Variants in SHISA6 observed in about 807,000 individuals in gnomAD.
SHISA6 encodes protein shisa-6.
A neutral mutation model predicts 47.9 loss-of-function variants in SHISA6; 22 were observed. That is an observed-to-expected ratio of 0.46 (90% CI 0.33 to 0.66). SHISA6 has a LOEUF of 0.66. SHISA6 is among the 30% of genes least tolerant of loss of function. The pLI is 0.02. For missense variants in SHISA6, 680 were observed against 764.6 expected, an observed-to-expected ratio of 0.89 and a Z score of 1.30; for synonymous variants, 388 against 337.8, an observed-to-expected ratio of 1.15 and a Z score of -1.63.
chr17:11,393,244 C>G (rs1913448622), intron 3 of SHISA6, among the ~76,000 whole-genome samples: 1 of 152,204 alleles, frequency 6.6e-6, no homozygotes, highest in Non-Finnish European at 1.5e-5. Flanking sequence ...CAGCACTCTA[C>G]ACACTGCACA....
intron 2 of SHISA6, among the ~76,000 whole-genome samples, chr17:11,268,420 C>T (rs1343473071): frequency 1.3e-5 from 2 of 151,638 alleles, no homozygotes; most frequent in South Asian, 2.1e-4. Context: ...CTGCTTCCCT[C>T]CTAGGCTGCA....
intron 2 of SHISA6, among the ~76,000 whole-genome samples, chr17:11,286,004 T>C (rs185433021): frequency 6.6e-6 from 1 of 152,094 alleles, no homozygotes; most frequent in East Asian, 1.9e-4. Flanking sequence ...GCCTGGCTAA[T>C]ATTTTGTATT....
chr17:11,270,099 C>T (rs181608179), intron 2 of SHISA6, among the ~76,000 whole-genome samples: 145 of 152,252 alleles, frequency 9.5e-4, no homozygotes, highest in African/African-American at 3.4e-3. Context: ...CCTCAGTCTC[C>T]TGAGTAGCTG....
intron 2 of SHISA6, among the ~76,000 whole-genome samples, chr17:11,272,677 G>T (rs1461419122): frequency 6.6e-6 from 1 of 152,126 alleles, no homozygotes; most frequent in Non-Finnish European, 1.5e-5. Flanking sequence ...CTAATCCCTG[G>T]CTCAGAGCCT....
At chr17:11,465,060 T>A (rs571415196) in intron 3 of SHISA6, among the ~76,000 whole-genome samples, 3 of 152,334 alleles carry the variant, frequency 2.0e-5, no homozygotes, top group African/African-American at 4.8e-5. Context: ...ACCAAAAGAT[T>A]AAACTCCTTG....
intron 3 of SHISA6, among the ~76,000 whole-genome samples, chr17:11,398,924 G>A (rs1348081198): frequency 1.3e-5 from 2 of 150,504 alleles, no homozygotes; most frequent in South Asian, 2.1e-4. Context: ...TGGGCCTGCT[G>A]TTATTTCACC....
intron 2 of SHISA6, among the ~76,000 whole-genome samples, chr17:11,361,774 G>A (rs574929239): frequency 6.6e-6 from 1 of 152,174 alleles, no homozygotes; most frequent in South Asian, 2.1e-4. Flanking sequence ...CATGTGCCAG[G>A]CACTGTGCTC....
chr17:11,263,543 C>T lies in SHISA6; in HGVS notation c.799+17C>T. On this transcript the variant is annotated intron_variant, in intron 2 of 5. Coordinates refer to ENST00000441885, the MANE Select transcript of SHISA6 (RefSeq NM_207386.4). ...AGACTCCAGGTAAGTAACAGCTGGG[C>T]ACCTTGATTCTTTGCTGAGGCTGGT... 3.9e-6 allele frequency: 6 copies of T among 1,551,246 alleles called. No homozygotes were observed. The highest frequency in any genetic ancestry group is 5.2e-6 in the Non-Finnish European group (6 of 1,146,624).
At chr17:11,305,660 C>T (rs964627154) in intron 2 of SHISA6, among the ~76,000 whole-genome samples, 6 of 152,218 alleles carry the variant, frequency 3.9e-5, no homozygotes, top group African/African-American at 1.2e-4. Context: ...CTGCCATTCC[C>T]TAGGCCCAGA....
chr17:11,507,226 A>G (rs2071506724), intron 3 of SHISA6, among the ~76,000 whole-genome samples: 1 of 152,214 alleles, frequency 6.6e-6, no homozygotes, highest in Non-Finnish European at 1.5e-5. Flanking sequence ...TTAAATTTTC[A>G]GTATTATTGA....
Position 11,511,126 on chromosome 17 carries a change from T to G in SHISA6, c.896-40770T>G, listed in dbSNP as rs192493620. On this transcript the variant is annotated intron_variant, in intron 3 of 5. Coordinates refer to ENST00000441885, the MANE Select transcript of SHISA6 (RefSeq NM_207386.4). ...AGCCATAAAAAAGAATGAATTCATGTCCTTTACAGGGACATGGATGAAGCT... is the reference window on the plus strand; with the variant it reads ...AGCCATAAAAAAGAATGAATTCATGGCCTTTACAGGGACATGGATGAAGCT... 5.3e-5 allele frequency among the ~76,000 whole-genome samples: 8 copies of G among 152,264 alleles called. No individual in the cohort carries two copies. In the East Asian group the frequency reaches 1.2e-3, roughly 22 times the overall value.
At chr17:11,418,249 G>T (rs1914344041) in intron 3 of SHISA6, among the ~76,000 whole-genome samples, 1 of 151,946 alleles carries the variant, frequency 6.6e-6, no homozygotes, top group Non-Finnish European at 1.5e-5. Context: ...TATATCATTT[G>T]TCCCATCTCT....
At chr17:11,418,616 A>G (rs1182894095) in intron 3 of SHISA6, among the ~76,000 whole-genome samples, 2 of 152,158 alleles carry the variant, frequency 1.3e-5, no homozygotes, top group Non-Finnish European at 2.9e-5. Flanking sequence ...GTAAAGTGCT[A>G]TCTAAATATA....
At chr17:11,304,845 G>A (rs886147498) in intron 2 of SHISA6, among the ~76,000 whole-genome samples, 10 of 152,148 alleles carry the variant, frequency 6.6e-5, no homozygotes, top group Admixed American at 3.9e-4. Flanking sequence ...GTCTCACTGC[G>A]CTTGGCCACT....
At chr17:11,319,171 C>T (rs961489095) in intron 2 of SHISA6, among the ~76,000 whole-genome samples, 2 of 151,310 alleles carry the variant, frequency 1.3e-5, no homozygotes, top group East Asian at 1.9e-4. Context: ...CTCCGCCTCC[C>T]GGGTTCAATC....
intron 2 of SHISA6, among the ~76,000 whole-genome samples, chr17:11,379,083 C>A (rs1405037731): frequency 6.7e-6 from 1 of 149,384 alleles, no homozygotes; most frequent in South Asian, 2.1e-4. Flanking sequence ...TTCTTTGTTG[C>A]ACAGTTTTAT....
intron 3 of SHISA6, among the ~76,000 whole-genome samples, chr17:11,525,389 C>G (rs1331779151): frequency 3.3e-5 from 5 of 152,086 alleles, no homozygotes; most frequent in African/African-American, 1.2e-4. Context: ...AATCCCAGCA[C>G]TTTGGGAGGC....
intron 3 of SHISA6, among the ~76,000 whole-genome samples, chr17:11,449,937 T>C (rs1915339244): frequency 6.6e-6 from 1 of 152,230 alleles, no homozygotes; most frequent in Non-Finnish European, 1.5e-5. Context: ...CAGGCTGGAG[T>C]GCAGTGGCGC....
At chr17:11,337,992 G>A (rs1597464512) in intron 2 of SHISA6, among the ~76,000 whole-genome samples, 1 of 152,196 alleles carries the variant, frequency 6.6e-6, no homozygotes, top group East Asian at 1.9e-4. Flanking sequence ...AAGAAGAGTG[G>A]TAGAGGGCAT....
Sources: gnomAD v4.1 joint callset for allele counts (sites outside exome capture counted in the v4.1 genomes callset) on GRCh38, gnomAD v4.1.1 for gene constraint, MANE v1.5 for transcripts, NCBI Gene and HGNC (gene_info 2026-07-23, HGNC 2026-07-21) for gene names.